The following MTRF1 variants were observed in gnomAD, a reference collection of about 807,000 sequenced individuals.
MTRF1 encodes peptide chain release factor 1, mitochondrial.
A neutral mutation model predicts 62.9 loss-of-function variants in MTRF1; 51 were observed. That is an observed-to-expected ratio of 0.81 (90% CI 0.65 to 1.02). MTRF1 has a LOEUF of 1.02. Among genes scored for constraint, MTRF1 ranks in the 50% least tolerant of loss-of-function variants. The pLI is 0.00. For missense variants in MTRF1, 446 were observed against 530.0 expected (o/e 0.84, Z 1.56); for synonymous variants, 158 against 181.9 (o/e 0.87, Z 1.06).
intron 2 of MTRF1, 98 bp downstream of exon 2, chr13:41,260,395 A>T: frequency 8.5e-7 from 1 of 1,177,268 alleles, no homozygotes; most frequent in Non-Finnish European, 1.2e-6. Context: ...TAAAGCTTTA[A>T]CTTAGAAAAT....
the MTRF1 span, among the ~76,000 whole-genome samples, chr13:41,283,490 C>T: frequency 6.6e-6 from 1 of 151,716 alleles, no homozygotes. Flanking sequence ...TTACCTTAAG[C>T]TCCAGTTTAC....
the MTRF1 span, among the ~76,000 whole-genome samples, chr13:41,303,712 T>G: frequency 6.6e-6 from 1 of 152,180 alleles, no homozygotes; most frequent in Non-Finnish European, 1.5e-5. Context: ...ATTCCTAGCC[T>G]CTAGGTTAAC....
At chr13:41,286,303 T>A in the MTRF1 span, among the ~76,000 whole-genome samples, 1 of 152,154 alleles carries the variant, frequency 6.6e-6, no homozygotes, top group Non-Finnish European at 1.5e-5. Context: ...TTTCAGCCTG[T>A]TGGGTGAAAT....
the MTRF1 span, among the ~76,000 whole-genome samples, chr13:41,277,437 CTT>C: frequency 6.6e-6 from 1 of 152,130 alleles, no homozygotes; most frequent in East Asian, 1.9e-4. Context: ...CTGCCAAACT[CTT>C]TCTTTACTGC....
the MTRF1 span, among the ~76,000 whole-genome samples, chr13:41,286,731 T>A: frequency 6.6e-6 from 1 of 152,234 alleles, no homozygotes; most frequent in Admixed American, 6.5e-5. Flanking sequence ...AACATGTGAA[T>A]CAGAGTTCTG....
intron 4 of MTRF1, 72 bp downstream of exon 4, chr13:41,252,877 G>C: frequency 7.3e-7 from 1 of 1,363,792 alleles, no homozygotes; most frequent in Non-Finnish European, 1.0e-6. Context: ...GACTTTTAAA[G>C]TTAGTGTTAT....
chr13:41,307,344 C>T, the MTRF1 span, among the ~76,000 whole-genome samples: 554 of 152,198 alleles, frequency 3.6e-3, 2 homozygotes, highest in African/African-American at 0.011. Context: ...TGTGTAGCAC[C>T]GCTGGGCATT....
chr13:41,299,273 G>A, the MTRF1 span, among the ~76,000 whole-genome samples: 1 of 152,100 alleles, frequency 6.6e-6, no homozygotes, highest in Non-Finnish European at 1.5e-5. Context: ...TTTAAATTCA[G>A]AAATTGTTTT....
In MTRF1 at chr13:41,258,911, C is replaced by T. The variant is rs547424575; in HGVS notation, c.415+1582G>A. ...TTTTACCTAGAAGATAAAGACCACTCACAACTCAATAATGAAAAGACAATT... is the reference window on the plus strand; with the variant it reads ...TTTTACCTAGAAGATAAAGACCACTTACAACTCAATAATGAAAAGACAATT... On this transcript the variant is annotated intron_variant, in intron 2 of 9. Transcript: ENST00000379480. Among the ~76,000 whole-genome samples the T allele has an allele frequency of 2.6e-5, 4 of 152,186 alleles. No individual in the cohort carries two copies. In the South Asian group the frequency reaches 8.3e-4, roughly 32 times the overall value.
At chr13:41,302,069 T>C in the MTRF1 span, among the ~76,000 whole-genome samples, 2 of 152,016 alleles carry the variant, frequency 1.3e-5, no homozygotes, top group African/African-American at 4.8e-5. Flanking sequence ...CTCTGTTGCC[T>C]AGGCTGGAGT....
intron 1 of MTRF1, chr13:41,261,832 G>A: frequency 1.0e-6 from 1 of 981,960 alleles, no homozygotes; most frequent in Non-Finnish European, 1.2e-6. Flanking sequence ...GATCCTAAAG[G>A]AAGAAAAGTT....
intron 5 of MTRF1, among the ~76,000 whole-genome samples, chr13:41,246,308 T>C (rs994364301): frequency 5.3e-5 from 8 of 152,120 alleles, no homozygotes; most frequent in African/African-American, 1.9e-4. Context: ...CATGGGTTTT[T>C]GGTTTTGATA....
In MTRF1 at chr13:41,252,989, AT is replaced by A; in HGVS notation, c.548del (p.Asn183MetfsTer5). The stretch of plus-strand genomic sequence containing the variant: ...CAGCTGTCACCTCTAAAATAACATC[AT>A]TTTTGTCATATTTCTCCTTTGGCAC... ...SLVPKEKYDKNDVILEVTAGR... is the reference protein window; with the variant it reads ...SLVPKEKYDKXDVILEVTAGR... On this transcript the variant is annotated frameshift_variant, in exon 4 of 10. Coordinates refer to ENST00000379480, the MANE Select transcript of MTRF1 (RefSeq NM_004294.4). LOFTEE classifies it high-confidence loss of function. 6.2e-7 allele frequency: 1 copy of A among 1,608,288 alleles called. No individual in the cohort carries two copies. The highest frequency in any genetic ancestry group is 8.5e-7 in the Non-Finnish European group (1 of 1,178,080).
intron 5 of MTRF1, 127 bp downstream of exon 5, chr13:41,252,518 A>T (rs2039197302): frequency 1.6e-6 from 1 of 634,000 alleles, no homozygotes; most frequent in Non-Finnish European, 2.7e-6. Flanking sequence ...TGATGAGCCT[A>T]TGCCACAGTG....
the MTRF1 span, among the ~76,000 whole-genome samples, chr13:41,293,457 T>C: frequency 6.6e-6 from 1 of 152,220 alleles, no homozygotes; most frequent in Non-Finnish European, 1.5e-5. Context: ...CTGCTAGATA[T>C]CTGAAGCTGT....
At chr13:41,240,566 G>A in intron 5 of MTRF1, 133 bp from the exon 6 acceptor site, 1 of 670,558 alleles carries the variant, frequency 1.5e-6, no homozygotes, top group Non-Finnish European at 2.2e-6. Context: ...GGGAGAACGA[G>A]GGCCTCTGAA....
intron 7 of MTRF1, among the ~76,000 whole-genome samples, chr13:41,233,086 T>C (rs2035880663): frequency 6.6e-6 from 1 of 152,188 alleles, no homozygotes; most frequent in Admixed American, 6.5e-5. Context: ...AGGGCAAAAT[T>C]CTCATCTACC....
At chr13:41,308,345 C>T in the MTRF1 span, among the ~76,000 whole-genome samples, 2 of 152,104 alleles carry the variant, frequency 1.3e-5, no homozygotes, top group African/African-American at 2.4e-5. Flanking sequence ...TAGAAAAGTC[C>T]ATGTCCTATG....
At chr13:41,311,116 C>G in the MTRF1 span, 1 of 275,644 alleles carries the variant, frequency 3.6e-6, no homozygotes, top group East Asian at 1.0e-4. Flanking sequence ...CAGGGGGTGC[C>G]GAGATTGCGG....
Sources: gnomAD v4.1 joint callset for allele counts (sites outside exome capture counted in the v4.1 genomes callset) on GRCh38, gnomAD v4.1.1 for gene constraint, MANE v1.5 for transcripts, NCBI Gene and HGNC (gene_info 2026-07-23, HGNC 2026-07-21) for gene names.